GDAP2: variants seen among roughly 807,000 people sequenced by gnomAD.
GDAP2 encodes ganglioside-induced differentiation-associated protein 2.
Under a neutral mutation model 67.0 loss-of-function variants are expected in GDAP2, and 51 were observed. The observed-to-expected ratio is 0.76, with a 90% CI of 0.61 to 0.96. The LOEUF is 0.96. Ranked by LOEUF, GDAP2 falls within the 40% of genes least tolerant of loss-of-function variation. The pLI is 0.00. For missense variants in GDAP2, 547 were observed against 588.3 expected (o/e 0.93, Z 0.73); for synonymous variants, 203 against 207.3 (o/e 0.98, Z 0.18).
chr1:117,877,100 AATCCTCTCTGTATAAC>A (rs915961341), intron 13 of GDAP2: 61 of 161,018 alleles, frequency 3.8e-4, no homozygotes, highest in Admixed American at 1.8e-3. Context: ...TCCAGTTACA[AATCCTCTCTGTATAAC>A]AGCCAAATAT....
intron 8 of GDAP2, among the ~76,000 whole-genome samples, chr1:117,891,986 G>A (rs937877576): frequency 1.3e-5 from 2 of 152,092 alleles, no homozygotes; most frequent in Non-Finnish European, 2.9e-5. Context: ...GACTTTGGTT[G>A]ACAAAATCTC....
chr1:117,888,414 G>A (rs1283753068), intron 8 of GDAP2, among the ~76,000 whole-genome samples: 1 of 152,138 alleles, frequency 6.6e-6, no homozygotes, highest in Non-Finnish European at 1.5e-5. Flanking sequence ...CTTTGGCTAA[G>A]AGGATGTTAA....
At chr1:117,887,509 G>A (rs949315402) in intron 9 of GDAP2, among the ~76,000 whole-genome samples, 189 bp downstream of exon 9, 1 of 152,154 alleles carries the variant, frequency 6.6e-6, no homozygotes. Context: ...AGAACTGTAA[G>A]TTGAAAATGT....
intron 10 of GDAP2, among the ~76,000 whole-genome samples, chr1:117,884,399 A>G (rs1648775566): frequency 6.6e-6 from 1 of 152,218 alleles, no homozygotes; most frequent in Non-Finnish European, 1.5e-5. Context: ...AAACAATCAC[A>G]TAGAAAAAGC....
At chr1:117,888,375 C>T (rs1424999375) in intron 8 of GDAP2, among the ~76,000 whole-genome samples, 1 of 152,242 alleles carries the variant, frequency 6.6e-6, no homozygotes, top group East Asian at 1.9e-4. Flanking sequence ...TGATATCCCA[C>T]AGACCAGATC....
intron 3 of GDAP2, among the ~76,000 whole-genome samples, chr1:117,918,096 T>A (rs1345405208): frequency 1.3e-5 from 2 of 152,190 alleles, no homozygotes; most frequent in African/African-American, 4.8e-5. Context: ...GAAAGCAAGA[T>A]TTCATATAGG....
At chr1:117,887,284 A>G (rs1037402818) in intron 9 of GDAP2, among the ~76,000 whole-genome samples, 29 of 152,142 alleles carry the variant, frequency 1.9e-4, no homozygotes, top group Non-Finnish European at 3.2e-4. Flanking sequence ...ACTTTGATCC[A>G]GGCAAAACTA....
At chr1:117,877,725 T>G in intron 13 of GDAP2, 1 of 1,127,604 alleles carries the variant, frequency 8.9e-7, no homozygotes. Flanking sequence ...GTATCTGTTT[T>G]AAATATGGTA....
rs1489997807 is a variant in GDAP2, at chr1:117,863,793, G to A, written c.*6776C>T. On this transcript the variant is annotated 3_prime_UTR_variant, in exon 14 of 14. Coordinates refer to ENST00000369443, the MANE Select transcript of GDAP2 (RefSeq NM_017686.4). The stretch of plus-strand genomic sequence containing the variant: ...ACTCAATATGTAATATATATAAAGA[G>A]CTTAGCAGCGTTCAAGGCACACAGT... 2 of 152,180 alleles carry A rather than the reference G, an allele frequency of 1.3e-5. No homozygotes were observed. The highest frequency in any genetic ancestry group is 4.8e-5 in the African/African-American group (2 of 41,450). 9.4% of individuals were successfully genotyped at this position (152,180 alleles called of 1,614,324 possible).
At position 117,904,183 on chromosome 1, in the gene GDAP2, TTC is replaced by T. The variant is rs1649580117; in HGVS notation, c.636+2321_636+2322del. ...TTTTTATTTTTAGCAGAGATGGGGTTTCGCCATGTTGGCCAGGCAGGTCTTGA... is the reference window on the plus strand; with the variant it reads ...TTTTTATTTTTAGCAGAGATGGGGTTGCCATGTTGGCCAGGCAGGTCTTGA... On this transcript the variant is annotated intron_variant, in intron 6 of 13. Coordinates refer to ENST00000369443, the MANE Select transcript of GDAP2 (RefSeq NM_017686.4). 2.6e-5 allele frequency among the ~76,000 whole-genome samples: 4 copies of T among 152,060 alleles called. No homozygotes were observed. In the South Asian group the frequency reaches 6.2e-4, roughly 24 times the overall value.
At chr1:117,908,655 T>C (rs1649741535) in intron 5 of GDAP2, among the ~76,000 whole-genome samples, 1 of 151,944 alleles carries the variant, frequency 6.6e-6, no homozygotes, top group South Asian at 2.1e-4. Context: ...ACCCTGTGTT[T>C]ACCAAATTTT....
In GDAP2 at chr1:117,912,096, A is replaced by G; in HGVS notation, c.471-14T>C. 6.6e-7 allele frequency: 1 copy of G among 1,504,686 alleles called. No homozygotes were observed. The highest frequency in any genetic ancestry group is 9.3e-7 in the Non-Finnish European group (1 of 1,080,468). 93.2% of individuals were successfully genotyped at this position (1,504,686 alleles called of 1,614,324 possible). ...ATTGACTGCTCTCTGCAACAAAGGG[A>G]AAACACAAAAATTGCACTAGAAATA... On this transcript the variant is annotated splice_polypyrimidine_tract_variant and intron_variant, in intron 4 of 13. Coordinates refer to ENST00000369443, the MANE Select transcript of GDAP2 (RefSeq NM_017686.4).
chr1:117,913,022 G>A (rs965331120), intron 3 of GDAP2, among the ~76,000 whole-genome samples: 2 of 152,118 alleles, frequency 1.3e-5, no homozygotes, highest in African/African-American at 4.8e-5. Flanking sequence ...CTAATACGAA[G>A]CAAGTTGATC....
intron 13 of GDAP2, among the ~76,000 whole-genome samples, chr1:117,872,283 G>T (rs947692920): frequency 1.3e-5 from 2 of 152,120 alleles, no homozygotes; most frequent in Non-Finnish European, 2.9e-5. Context: ...ACAGTGTGGT[G>T]ATTCCTCAAA....
At chr1:117,876,557 T>C (rs1037774076) in intron 13 of GDAP2, among the ~76,000 whole-genome samples, 2 of 152,206 alleles carry the variant, frequency 1.3e-5, no homozygotes, top group African/African-American at 4.8e-5. Flanking sequence ...TAGAAAGCTC[T>C]AGCATAGGTA....
chr1:117,916,743 G>A (rs1384630181), intron 3 of GDAP2, among the ~76,000 whole-genome samples: 1 of 152,098 alleles, frequency 6.6e-6, no homozygotes, highest in Non-Finnish European at 1.5e-5. Context: ...AATGAAAAAT[G>A]GAATGGGAGG....
intron 8 of GDAP2, among the ~76,000 whole-genome samples, chr1:117,890,183 G>C (rs1001733045): frequency 6.6e-5 from 10 of 151,986 alleles, no homozygotes; most frequent in African/African-American, 2.4e-4. Context: ...CTGGTGGTGG[G>C]GAAGGAGGTG....
At chr1:117,900,022 A>AT (rs1381383475) in intron 6 of GDAP2, among the ~76,000 whole-genome samples, 1 of 152,234 alleles carries the variant, frequency 6.6e-6, no homozygotes, top group Non-Finnish European at 1.5e-5. Flanking sequence ...AAATACATAT[A>AT]TAAGATTGCA....
Position 117,868,442 on chromosome 1 carries a change from A to T in GDAP2, c.*2127T>A, listed in dbSNP as rs1031574334. The T allele has an allele frequency of 6.6e-6, 1 of 152,196 alleles. No individual in the cohort carries two copies. Among genetic ancestry groups the T allele is most frequent in the African/African-American group, 2.4e-5 (1 of 41,456 alleles). The allele number at this position is 152,196 out of a possible 1,614,324, so 9.4% of individuals were successfully genotyped here. On this transcript the variant is annotated 3_prime_UTR_variant, in exon 14 of 14. Coordinates refer to ENST00000369443, the MANE Select transcript of GDAP2 (RefSeq NM_017686.4). ...TATGTAGAATCCTGCTTGTGTTACT[A>T]AACATTAATATACTGGTATGAATAT...
Sources: gnomAD v4.1 joint callset for allele counts (sites outside exome capture counted in the v4.1 genomes callset) on GRCh38, gnomAD v4.1.1 for gene constraint, MANE v1.5 for transcripts, NCBI Gene and HGNC (gene_info 2026-07-23, HGNC 2026-07-21) for gene names.